ANKH: variants seen among roughly 807,000 people sequenced by gnomAD.
ANKH encodes mineralization regulator ANKH.
ANKH carries 15 observed loss-of-function variants against 49.0 expected under a neutral mutation model. The observed-to-expected ratio is 0.31, with a 90% CI of 0.20 to 0.47. The LOEUF (loss-of-function observed/expected upper bound fraction) is 0.47, where lower values mean the gene tolerates loss of function less well. Ranked by LOEUF, ANKH falls within the 20% of genes least tolerant of loss-of-function variation. ANKH has a pLI of 1.00. For synonymous variants in ANKH, 273 were observed against 260.0 expected (o/e 1.05, Z -0.48); for missense variants, 429 against 652.0 (o/e 0.66, Z 3.72).
chr5:14,751,005 G>A, intron 5 of ANKH, 64 bp downstream of exon 5: 1 of 1,581,202 alleles, frequency 6.3e-7, no homozygotes, highest in Non-Finnish European at 8.7e-7. Flanking sequence ...TTTACATAGA[G>A]GTGGAATACA....
intron 1 of ANKH, among the ~76,000 whole-genome samples, chr5:14,779,337 C>T (rs1355867398): frequency 6.6e-6 from 1 of 152,170 alleles, no homozygotes; most frequent in East Asian, 1.9e-4. Flanking sequence ...CTCCTCCATC[C>T]TAAAAAAGAA....
chr5:14,722,153 A>G (rs1310905316), intron 8 of ANKH, among the ~76,000 whole-genome samples: 4 of 152,184 alleles, frequency 2.6e-5, no homozygotes, highest in Non-Finnish European at 5.9e-5. Context: ...CACCCAGAGT[A>G]GTCTCAACTC....
At chr5:14,730,371 A>G (rs770135726) in intron 8 of ANKH, among the ~76,000 whole-genome samples, 13 of 152,212 alleles carry the variant, frequency 8.5e-5, no homozygotes, top group Non-Finnish European at 1.6e-4. Flanking sequence ...AGATTTCAAA[A>G]CTTATGGAAA....
intron 1 of ANKH, among the ~76,000 whole-genome samples, chr5:14,809,332 T>G (rs1195090083): frequency 7.1e-5 from 1 of 14,142 alleles, no homozygotes; most frequent in African/African-American, 3.6e-4. Context: ...ACTTAGAGTA[T>G]AATAAAAAAA....
rs1336953756 is a variant in ANKH at position 14,708,811 on chromosome 5, C to T, written c.*2386G>A. On this transcript the variant is annotated 3_prime_UTR_variant, in exon 12 of 12. Coordinates refer to ENST00000284268, the MANE Select transcript of ANKH (RefSeq NM_054027.6). Reference sequence around the variant, plus strand: ...AATATTATGGCCCACTGATCTTGATCACTGAAGGAATCTCTGGAGTTGTAT... The same window carrying T: ...AATATTATGGCCCACTGATCTTGATTACTGAAGGAATCTCTGGAGTTGTAT... The T allele has an allele frequency of 6.6e-6, 1 of 152,154 alleles. No homozygotes were observed. The highest frequency in any genetic ancestry group is 2.4e-5 in the African/African-American group (1 of 41,414). 9.4% of individuals were successfully genotyped at this position (152,154 alleles called of 1,614,324 possible).
intron 9 of ANKH, among the ~76,000 whole-genome samples, chr5:14,716,250 C>A (rs540344895): frequency 3.9e-5 from 6 of 152,234 alleles, no homozygotes; most frequent in Admixed American, 3.3e-4. Context: ...GCCTGTAATC[C>A]CAGCACTTTG....
At chr5:14,840,102 C>A (rs1192403031) in intron 1 of ANKH, among the ~76,000 whole-genome samples, 2 of 152,182 alleles carry the variant, frequency 1.3e-5, no homozygotes, top group Non-Finnish European at 2.9e-5. Flanking sequence ...AAAGGGAGCT[C>A]TTGCCTTATA....
At chr5:14,751,920 C>T (rs928760639) in intron 4 of ANKH, among the ~76,000 whole-genome samples, 7 of 152,198 alleles carry the variant, frequency 4.6e-5, no homozygotes, top group Admixed American at 1.3e-4. Context: ...ATGTAACACA[C>T]ATCTGAGGAC....
chr5:14,800,280 A>T (rs146864206), intron 1 of ANKH, among the ~76,000 whole-genome samples: 3 of 152,374 alleles, frequency 2.0e-5, no homozygotes, highest in Non-Finnish European at 4.4e-5. Flanking sequence ...GATGCTGTGA[A>T]CATTGTTGAA....
intron 1 of ANKH, among the ~76,000 whole-genome samples, chr5:14,812,121 A>C (rs1333932959): frequency 2.0e-5 from 1 of 48,996 alleles, no homozygotes; most frequent in South Asian, 8.8e-4. Context: ...TTATCTTAAA[A>C]AAAAAAAAAA....
At chr5:14,817,643 A>G (rs1336676062) in intron 1 of ANKH, among the ~76,000 whole-genome samples, 2 of 152,200 alleles carry the variant, frequency 1.3e-5, no homozygotes, top group African/African-American at 4.8e-5. Context: ...TAGGTTCACA[A>G]GTGTGAAGAA....
At chr5:14,827,688 A>G (rs1476043454) in intron 1 of ANKH, among the ~76,000 whole-genome samples, 2 of 152,202 alleles carry the variant, frequency 1.3e-5, no homozygotes, top group Non-Finnish European at 2.9e-5. Context: ...CTCTCTGGGC[A>G]TCACTAAGGT....
intron 8 of ANKH, among the ~76,000 whole-genome samples, chr5:14,734,191 G>GCTCCACCCTGA (rs1454548765): frequency 6.6e-6 from 1 of 152,062 alleles, no homozygotes; most frequent in East Asian, 1.9e-4. Context: ...CTGATTACCT[G>GCTCCACCCTGA]CTCCACCCTG....
intron 3 of ANKH, among the ~76,000 whole-genome samples, chr5:14,758,183 C>A (rs990795171): frequency 1.7e-4 from 26 of 152,186 alleles, no homozygotes; most frequent in African/African-American, 6.0e-4. Context: ...AAAGTACAAA[C>A]GCTGTATGAT....
intron 1 of ANKH, among the ~76,000 whole-genome samples, chr5:14,847,366 G>T (rs1741993465): frequency 6.6e-6 from 1 of 152,180 alleles, no homozygotes; most frequent in East Asian, 1.9e-4. Flanking sequence ...AAACAGCTGT[G>T]CTAGTGCATC....
chr5:14,797,726 C>A, intron 1 of ANKH: 4 of 1,607,792 alleles, frequency 2.5e-6, no homozygotes, highest in Non-Finnish European at 3.4e-6. Context: ...TTGCCGTATG[C>A]CCTGTAAAGA....
intron 2 of ANKH, among the ~76,000 whole-genome samples, chr5:14,764,845 G>T (rs1370993502): frequency 6.6e-6 from 1 of 152,212 alleles, no homozygotes; most frequent in African/African-American, 2.4e-5. Context: ...CTGCAGTTTT[G>T]TTCCCCTGAA....
At chr5:14,765,195 A>G (rs1403192332) in intron 2 of ANKH, among the ~76,000 whole-genome samples, 1 of 152,240 alleles carries the variant, frequency 6.6e-6, no homozygotes, top group Non-Finnish European at 1.5e-5. Context: ...ACATGGGTCC[A>G]TGACAGAAGT....
Position 14,835,654 on chromosome 5 carries a change from C to T in ANKH, c.96+35698G>A, listed in dbSNP as rs561376318. On this transcript the variant is annotated intron_variant, in intron 1 of 11. Coordinates refer to ENST00000284268, the MANE Select transcript of ANKH (RefSeq NM_054027.6). ...GTCTTTCTGCTTAACTAGTCATGCT[C>T]TTTGTCTTCTGACAAAATCACAGCC... 1.3e-4 allele frequency among the ~76,000 whole-genome samples: 20 copies of T among 152,250 alleles called. No homozygotes were observed. In the South Asian group the frequency reaches 3.9e-3, roughly 30 times the overall value.
Sources: allele counts gnomAD v4.1 joint callset (sites outside exome capture counted in the v4.1 genomes callset), GRCh38; gene constraint gnomAD v4.1.1; transcripts MANE v1.5; gene names NCBI Gene and HGNC (gene_info 2026-07-23, HGNC 2026-07-21).